The following PLCB1 variants were observed in gnomAD, a reference collection of about 807,000 sequenced individuals.
The protein encoded by PLCB1 is 1-phosphatidylinositol 4,5-bisphosphate phosphodiesterase beta-1.
A neutral mutation model predicts 161.8 loss-of-function variants in PLCB1; 46 were observed. That is an observed-to-expected ratio of 0.28 (90% CI 0.22 to 0.36). The LOEUF (loss-of-function observed/expected upper bound fraction) is 0.36. PLCB1 is among the 10% of genes least tolerant of loss of function. The probability of loss-of-function intolerance (pLI) is 1.00; values close to 1 mark genes in which losing one functional copy is unlikely to be tolerated. For missense variants in PLCB1, 1,016 were observed against 1,472.5 expected, an observed-to-expected ratio of 0.69 and a Z score of 5.07; for synonymous variants, 517 against 503.7, an observed-to-expected ratio of 1.03 and a Z score of -0.35.
At position 8,551,898 on chromosome 20, in the gene PLCB1, G is replaced by A. The variant is rs1600147599; in HGVS notation, c.247-76396G>A. Among the ~76,000 whole-genome samples the A allele has an allele frequency of 2.0e-5, 3 of 152,276 alleles. No homozygotes were observed. The East Asian group carries it at 5.8e-4, about 29-fold the overall frequency. ...GGAATGCCTTTGGATTTCTGTAAAA[G>A]GGTCTGCTTCAAGGAGAAATGCAAC... On this transcript the variant is annotated intron_variant, in intron 3 of 31. Transcript: ENST00000338037.
At chr20:8,245,023 T>A (rs1169243750) in intron 2 of PLCB1, among the ~76,000 whole-genome samples, 1 of 151,874 alleles carries the variant, frequency 6.6e-6, no homozygotes, top group African/African-American at 2.4e-5. Flanking sequence ...ATATTTTATA[T>A]CATATCCAAT....
At chr20:8,359,162 C>T (rs1986459342) in intron 2 of PLCB1, among the ~76,000 whole-genome samples, 1 of 152,038 alleles carries the variant, frequency 6.6e-6, no homozygotes, top group African/African-American at 2.4e-5. Context: ...TTACTTACTC[C>T]CTCTCTGTTC....
At chr20:8,562,729 G>A (rs1056432882) in intron 3 of PLCB1, among the ~76,000 whole-genome samples, 5 of 152,036 alleles carry the variant, frequency 3.3e-5, no homozygotes, top group Admixed American at 3.3e-4. Context: ...GAAATTATAA[G>A]TAATTTGGTA....
At chr20:8,570,807 T>G (rs1986483422) in intron 3 of PLCB1, among the ~76,000 whole-genome samples, 1 of 152,098 alleles carries the variant, frequency 6.6e-6, no homozygotes, top group Admixed American at 6.6e-5. Flanking sequence ...ACCAGGTGTA[T>G]TTTGTTTTCT....
chr20:8,665,021 G>T (rs1366904535), intron 9 of PLCB1, among the ~76,000 whole-genome samples: 1 of 152,118 alleles, frequency 6.6e-6, no homozygotes, highest in Non-Finnish European at 1.5e-5. Flanking sequence ...CCCATAAGGG[G>T]TCAACTACCT....
At chr20:8,268,574 G>A (rs568658119) in intron 2 of PLCB1, among the ~76,000 whole-genome samples, 1 of 152,184 alleles carries the variant, frequency 6.6e-6, no homozygotes, top group African/African-American at 2.4e-5. Flanking sequence ...CTAATTTACA[G>A]TCCCACCAAC....
intron 7 of PLCB1, among the ~76,000 whole-genome samples, chr20:8,655,254 G>A (rs960505171): frequency 6.6e-6 from 1 of 152,076 alleles, no homozygotes; most frequent in Non-Finnish European, 1.5e-5. Flanking sequence ...TATTTCAAAG[G>A]AAATAACAGC....
chr20:8,495,564 A>ATT (rs139658715), intron 3 of PLCB1, among the ~76,000 whole-genome samples: 8 of 151,030 alleles, frequency 5.3e-5, no homozygotes, highest in Non-Finnish European at 1.2e-4. Context: ...TGGCCGGCTA[A>ATT]TTTTTTGTAT....
intron 3 of PLCB1, among the ~76,000 whole-genome samples, chr20:8,387,798 G>A (rs1376942808): frequency 1.3e-5 from 2 of 152,074 alleles, no homozygotes; most frequent in Non-Finnish European, 2.9e-5. Context: ...CTGGGCCTGG[G>A]GGAGGAGAAA....
intron 2 of PLCB1, among the ~76,000 whole-genome samples, chr20:8,210,066 G>C (rs1978742075): frequency 6.6e-6 from 1 of 151,682 alleles, no homozygotes; most frequent in Admixed American, 6.6e-5. Flanking sequence ...TTGCACTCCT[G>C]GCCTGAGCCA....
chr20:8,501,040 A>G (rs1983382163), intron 3 of PLCB1, among the ~76,000 whole-genome samples: 1 of 152,026 alleles, frequency 6.6e-6, no homozygotes, highest in Non-Finnish European at 1.5e-5. Context: ...ATATCCAGAC[A>G]CCCCCAATGG....
At chr20:8,513,159 C>T (rs1983964859) in intron 3 of PLCB1, among the ~76,000 whole-genome samples, 1 of 152,072 alleles carries the variant, frequency 6.6e-6, no homozygotes, top group South Asian at 2.1e-4. Flanking sequence ...TGTGTGATTC[C>T]ATTTTTTATA....
At chr20:8,572,864 AATAG>A (rs1986564418) in intron 3 of PLCB1, among the ~76,000 whole-genome samples, 1 of 152,180 alleles carries the variant, frequency 6.6e-6, no homozygotes, top group Non-Finnish European at 1.5e-5. Context: ...ATGTGTAAAA[AATAG>A]ATATTGAAGT....
intron 31 of PLCB1, among the ~76,000 whole-genome samples, chr20:8,799,648 A>G (rs1348706489): frequency 6.6e-6 from 1 of 152,164 alleles, no homozygotes; most frequent in Non-Finnish European, 1.5e-5. Flanking sequence ...TTTAACTATG[A>G]CCTTCAATAT....
At chr20:8,865,625 G>A (rs560074971) in intron 31 of PLCB1, among the ~76,000 whole-genome samples, 53 of 152,218 alleles carry the variant, frequency 3.5e-4, no homozygotes, top group African/African-American at 1.3e-3. Flanking sequence ...TCTCATCATG[G>A]CAATTCAGAG....
intron 3 of PLCB1, among the ~76,000 whole-genome samples, chr20:8,453,161 T>G (rs1440024972): frequency 1.3e-5 from 2 of 152,230 alleles, no homozygotes; most frequent in Admixed American, 1.3e-4. Flanking sequence ...CAAAAACTAC[T>G]CTTTCACTGC....
intron 31 of PLCB1, among the ~76,000 whole-genome samples, chr20:8,802,916 G>T (rs1365518084): frequency 6.6e-6 from 1 of 152,124 alleles, no homozygotes; most frequent in African/African-American, 2.4e-5. Context: ...TCCAAAGAGT[G>T]TGCAATTCTT....
intron 31 of PLCB1, among the ~76,000 whole-genome samples, chr20:8,816,708 G>A (rs1043861413): frequency 6.6e-6 from 1 of 152,200 alleles, no homozygotes; most frequent in Non-Finnish European, 1.5e-5. Context: ...AGGGGACTGG[G>A]ATTAGGGAGG....
At chr20:8,650,526 G>C (rs1165124227) in intron 7 of PLCB1, among the ~76,000 whole-genome samples, 1 of 152,056 alleles carries the variant, frequency 6.6e-6, no homozygotes, top group Non-Finnish European at 1.5e-5. Context: ...TGCTCTGCGG[G>C]AACAGGCATG....
Sources: allele counts gnomAD v4.1 joint callset (sites outside exome capture counted in the v4.1 genomes callset), GRCh38; gene constraint gnomAD v4.1.1; transcripts MANE v1.5; gene names NCBI Gene and HGNC (gene_info 2026-07-23, HGNC 2026-07-21).